RSPO2: variants seen among roughly 807,000 people sequenced by gnomAD.
RSPO2 encodes the protein R-spondin 2.
RSPO2 carries 14 observed loss-of-function variants against 30.9 expected under a neutral mutation model. That is an observed-to-expected ratio of 0.45 (90% CI 0.30 to 0.71). The LOEUF (loss-of-function observed/expected upper bound fraction) is 0.71, where lower values mean the gene tolerates loss of function less well. Ranked by LOEUF, RSPO2 falls within the 30% of genes least tolerant of loss-of-function variation. The pLI is 0.08. For missense variants in RSPO2, 264 were observed against 301.9 expected (o/e 0.87, Z 0.93); for synonymous variants, 107 against 96.4 (o/e 1.11, Z -0.64).
chr8:108,051,540 G>A (rs1007531288), intron 2 of RSPO2, among the ~76,000 whole-genome samples: 16 of 152,206 alleles, frequency 1.1e-4, no homozygotes, highest in Admixed American at 8.5e-4. Context: ...AGCAATGCGT[G>A]AATGGTTTGA....
At chr8:107,901,871 T>C (rs977080300) in intron 5 of RSPO2, among the ~76,000 whole-genome samples, 1 of 152,212 alleles carries the variant, frequency 6.6e-6, no homozygotes, top group African/African-American at 2.4e-5. Flanking sequence ...CAGACGATCA[T>C]ACCAAGTATT....
chr8:108,081,269 TAAC>T (rs1813184923), intron 2 of RSPO2, among the ~76,000 whole-genome samples: 1 of 152,002 alleles, frequency 6.6e-6, no homozygotes, highest in Admixed American at 6.6e-5. Flanking sequence ...GAGAACAGCT[TAAC>T]AATGTCCTAA....
intron 2 of RSPO2, among the ~76,000 whole-genome samples, chr8:108,074,695 T>C (rs1192460191): frequency 6.6e-6 from 1 of 152,214 alleles, no homozygotes; most frequent in African/African-American, 2.4e-5. Context: ...TTTCTTTTCT[T>C]TGAATTAATG....
chr8:107,994,474 A>G (rs1029390674), intron 2 of RSPO2, among the ~76,000 whole-genome samples: 4 of 152,168 alleles, frequency 2.6e-5, no homozygotes, highest in African/African-American at 9.6e-5. Flanking sequence ...AGCATCTAAG[A>G]TAAGTTAATA....
chr8:107,999,593 C>T (rs886893927), intron 2 of RSPO2, among the ~76,000 whole-genome samples: 2 of 152,088 alleles, frequency 1.3e-5, no homozygotes, highest in East Asian at 3.9e-4. Flanking sequence ...TGCCACCACA[C>T]CCAGCTAATT....
At chr8:108,000,150 G>A (rs1815188869) in intron 2 of RSPO2, among the ~76,000 whole-genome samples, 1 of 152,170 alleles carries the variant, frequency 6.6e-6, no homozygotes. Flanking sequence ...GTCTTAGGTG[G>A]TTCTGCTTGA....
intron 2 of RSPO2, among the ~76,000 whole-genome samples, chr8:108,011,019 G>A (rs1810687507): frequency 6.6e-6 from 1 of 151,464 alleles, no homozygotes; most frequent in African/African-American, 2.4e-5. Context: ...TATAGTCCCA[G>A]CTACTCAGGA....
At chr8:108,038,839 A>G (rs1811671519) in intron 2 of RSPO2, among the ~76,000 whole-genome samples, 1 of 152,182 alleles carries the variant, frequency 6.6e-6, no homozygotes, top group African/African-American at 2.4e-5. Context: ...GCTACTTAAT[A>G]GACTACAGCA....
chr8:108,009,541 T>C (rs1406036009), intron 2 of RSPO2, among the ~76,000 whole-genome samples: 1 of 152,206 alleles, frequency 6.6e-6, no homozygotes, highest in Admixed American at 6.5e-5. Context: ...ACACATTACA[T>C]GTGATTAAAT....
rs762180746 is a variant in RSPO2, at chr8:107,901,101, G to A, written c.706C>T (p.Leu236=). ...ERAQEQHSVF[L]ATDRANQ is the part of the protein sequence containing the mutation. ...TATTGGTTAGCTCTGTCTGTAGCTA[G>A]GAAGACGCTGTGTTGCTCCTGGGCC... Residue 236 remains leucine, a synonymous_variant, in exon 6 of 6, where the codon CTA becomes TTA. Coordinates refer to ENST00000276659, the MANE Select transcript of RSPO2 (RefSeq NM_178565.5). The A allele has an allele frequency of 1.9e-6, 3 of 1,613,964 alleles. No homozygotes were observed. The highest frequency in any genetic ancestry group is 2.2e-5 in the South Asian group (2 of 91,074).
intron 5 of RSPO2, among the ~76,000 whole-genome samples, chr8:107,911,247 T>A (rs550327753): frequency 3.0e-4 from 46 of 152,314 alleles, no homozygotes; most frequent in African/African-American, 1.1e-3. Flanking sequence ...CAATTGCATA[T>A]TCTCTAGAGA....
intron 2 of RSPO2, among the ~76,000 whole-genome samples, chr8:107,995,283 G>T (rs536077562): frequency 6.6e-6 from 1 of 152,036 alleles, no homozygotes; most frequent in Non-Finnish European, 1.5e-5. Context: ...TTGTTGGGGG[G>T]CAGAGCTAGG....
At chr8:108,048,050 C>T (rs769801729) in intron 2 of RSPO2, among the ~76,000 whole-genome samples, 2 of 151,940 alleles carry the variant, frequency 1.3e-5, no homozygotes, top group Admixed American at 6.6e-5. Context: ...AGTACTATGC[C>T]GCGTGCTTCT....
At chr8:107,975,955 TG>T (rs1814193203) in intron 3 of RSPO2, among the ~76,000 whole-genome samples, 1 of 152,214 alleles carries the variant, frequency 6.6e-6, no homozygotes, top group South Asian at 2.1e-4. Context: ...CCCCATCAAG[TG>T]ACGGCCAGGG....
chr8:108,081,398 C>T (rs933137688), intron 2 of RSPO2, among the ~76,000 whole-genome samples: 2 of 152,216 alleles, frequency 1.3e-5, no homozygotes, highest in African/African-American at 4.8e-5. Context: ...GAGATGTTTA[C>T]ATCTTGGAGA....
At chr8:107,983,246 C>A in intron 3 of RSPO2, 1 of 1,583,636 alleles carries the variant, frequency 6.3e-7, no homozygotes, top group Non-Finnish European at 8.6e-7. Flanking sequence ...CTTTCTGAAG[C>A]TATGAAGCTG....
intron 5 of RSPO2, among the ~76,000 whole-genome samples, chr8:107,915,386 C>A (rs887497470): frequency 1.3e-5 from 2 of 151,986 alleles, no homozygotes; most frequent in African/African-American, 2.4e-5. Flanking sequence ...TCTGTAGCAC[C>A]GTGGTGGGGT....
At chr8:108,036,757 C>CAA (rs1278088107) in intron 2 of RSPO2, among the ~76,000 whole-genome samples, 2 of 152,152 alleles carry the variant, frequency 1.3e-5, no homozygotes, top group Non-Finnish European at 2.9e-5. Context: ...CTATTGGCAC[C>CAA]ATTCTTCCAA....
At chr8:108,063,711 G>A (rs986900565) in intron 2 of RSPO2, among the ~76,000 whole-genome samples, 18 of 151,928 alleles carry the variant, frequency 1.2e-4, no homozygotes, top group African/African-American at 2.9e-4. Flanking sequence ...AAAAGAGCCC[G>A]CATTGCCAAG....
Sources: allele counts gnomAD v4.1 joint callset (sites outside exome capture counted in the v4.1 genomes callset), GRCh38; gene constraint gnomAD v4.1.1; transcripts MANE v1.5; gene names NCBI Gene and HGNC (gene_info 2026-07-23, HGNC 2026-07-21).